Variants in STARD13 observed in about 807,000 individuals in gnomAD.
STARD13 encodes the protein StAR related lipid transfer domain containing 13.
STARD13 carries 62 observed loss-of-function variants against 106.4 expected under a neutral mutation model. The ratio of observed to expected loss-of-function variants is 0.58; its 90% CI spans 0.48 to 0.72. The LOEUF is 0.72. Among genes scored for constraint, STARD13 ranks in the 30% least tolerant of loss-of-function variants. The pLI, the probability that STARD13 is intolerant of heterozygous loss-of-function variation, is 0.00. For missense variants in STARD13, 1,387 were observed against 1,424.0 expected (o/e 0.97, Z 0.42); for synonymous variants, 565 against 553.0 (o/e 1.02, Z -0.31).
the STARD13 span, among the ~76,000 whole-genome samples, chr13:33,534,196 T>C: frequency 6.6e-6 from 1 of 152,190 alleles, no homozygotes; most frequent in Non-Finnish European, 1.5e-5. Context: ...TTCTCATCAA[T>C]AGAATGTCTA....
At chr13:33,448,010 A>T in the STARD13 span, among the ~76,000 whole-genome samples, 1 of 152,186 alleles carries the variant, frequency 6.6e-6, no homozygotes, top group Non-Finnish European at 1.5e-5. Context: ...TGACTAGATT[A>T]GAATAAAATT....
chr13:33,384,689 C>T, the STARD13 span, among the ~76,000 whole-genome samples: 20 of 152,092 alleles, frequency 1.3e-4, no homozygotes, highest in Admixed American at 5.2e-4. Context: ...TGACACCCAC[C>T]GTGTTCTACA....
At chr13:33,590,656 A>T in the STARD13 span, among the ~76,000 whole-genome samples, 19 of 133,782 alleles carry the variant, frequency 1.4e-4, no homozygotes, top group Non-Finnish European at 2.8e-4. Flanking sequence ...CAATGAGAAC[A>T]CTTGGGCACA....
chr13:33,329,643 T>TTGTGTGTGTGTG (rs1229779802), intron 1 of STARD13, among the ~76,000 whole-genome samples: 49 of 104,008 alleles, frequency 4.7e-4, no homozygotes, highest in African/African-American at 1.7e-3. Context: ...TAATATTCCA[T>TTGTGTGTGTGTG]TGTGTGTGTG....
chr13:33,461,265 T>C, the STARD13 span, among the ~76,000 whole-genome samples: 1 of 152,222 alleles, frequency 6.6e-6, no homozygotes, highest in Non-Finnish European at 1.5e-5. Flanking sequence ...AAAGTTGATG[T>C]AAAAATTCAT....
At chr13:33,344,053 T>C (rs2077992661), downstream of STARD13, among the ~76,000 whole-genome samples, 1 of 152,174 alleles carries the variant, frequency 6.6e-6, no homozygotes, top group African/African-American at 2.4e-5. Context: ...TTCTGCAAGT[T>C]ATTATGTGGG....
At chr13:33,473,931 A>G in the STARD13 span, among the ~76,000 whole-genome samples, 1 of 152,202 alleles carries the variant, frequency 6.6e-6, no homozygotes, top group East Asian at 1.9e-4. Context: ...ACCAACTGAG[A>G]GAGGAAAGCA....
At chr13:33,214,504 T>C (rs1158459694) in intron 1 of STARD13, among the ~76,000 whole-genome samples, 1 of 152,198 alleles carries the variant, frequency 6.6e-6, no homozygotes, top group African/African-American at 2.4e-5. Context: ...AAAGATTAGC[T>C]GCTCTACTAT....
intron 1 of STARD13, among the ~76,000 whole-genome samples, chr13:33,274,760 T>C (rs775319865): frequency 7.2e-5 from 11 of 152,188 alleles, no homozygotes; most frequent in South Asian, 2.1e-4. Flanking sequence ...AAAATAGATA[T>C]TGGATTGCTT....
At chr13:33,240,879 T>C (rs1889450682) in intron 1 of STARD13, among the ~76,000 whole-genome samples, 4 of 152,220 alleles carry the variant, frequency 2.6e-5, no homozygotes, top group Admixed American at 2.6e-4. Flanking sequence ...TAATTGTTCA[T>C]GTATAGCAAT....
intron 1 of STARD13, among the ~76,000 whole-genome samples, chr13:33,301,770 G>A (rs750853835): frequency 2.0e-5 from 3 of 151,812 alleles, no homozygotes; most frequent in Non-Finnish European, 2.9e-5. Context: ...GGGTTTCACC[G>A]TGTTAGCCAG....
chr13:33,250,115 T>C (rs1176581707), intron 1 of STARD13, among the ~76,000 whole-genome samples: 2 of 152,114 alleles, frequency 1.3e-5, no homozygotes, highest in East Asian at 3.9e-4. Context: ...TTATGTTCTT[T>C]TACAGCAGCT....
At chr13:33,111,708 C>A in intron 10 of STARD13, 70 bp downstream of exon 10, 1 of 911,532 alleles carries the variant, frequency 1.1e-6, no homozygotes, top group Admixed American at 1.8e-5. Flanking sequence ...ATAAATGTAG[C>A]AACAATCCCA....
intron 4 of STARD13, among the ~76,000 whole-genome samples, chr13:33,133,117 T>C (rs1269665489): frequency 6.6e-6 from 1 of 152,148 alleles, no homozygotes; most frequent in Non-Finnish European, 1.5e-5. Flanking sequence ...AAACAGAAAC[T>C]ACAACATTTA....
chr13:33,160,724 G>A (rs1359865701), intron 3 of STARD13, among the ~76,000 whole-genome samples: 1 of 152,118 alleles, frequency 6.6e-6, no homozygotes, highest in Non-Finnish European at 1.5e-5. Flanking sequence ...GTTAATACCA[G>A]ACATCTATTA....
At chr13:33,128,157 C>T (rs1019391384) in intron 5 of STARD13, among the ~76,000 whole-genome samples, 8 of 148,778 alleles carry the variant, frequency 5.4e-5, no homozygotes, top group East Asian at 4.0e-4. Context: ...AGAGGTAGAG[C>T]GATAAAGACA....
In STARD13 at chr13:33,165,043, C is replaced by G. The variant is rs73467861; in HGVS notation, c.323+294G>C. On this transcript the variant is annotated intron_variant, in intron 3 of 13. Transcript: ENST00000336934. ...AGCTTGACCATAGCATTTATACTCTCTGAAATAAACTTTCCCCCTCCTTCT... is the reference window on the plus strand; with the variant it reads ...AGCTTGACCATAGCATTTATACTCTGTGAAATAAACTTTCCCCCTCCTTCT... Among the ~76,000 whole-genome samples the G allele has an allele frequency of 7.0e-3, 1,065 of 152,104 alleles. 5 individuals carry two copies. Among genetic ancestry groups the G allele is most frequent in the African/African-American group, 0.023 (958 of 41,424 alleles).
chr13:33,163,803 A>G (rs1883025649), intron 3 of STARD13, among the ~76,000 whole-genome samples: 1 of 148,106 alleles, frequency 6.8e-6, no homozygotes, highest in South Asian at 2.1e-4. Context: ...ACATTTCAAA[A>G]ATTCAATGGG....
At chr13:33,111,462 T>A (rs2138071220) in intron 10 of STARD13, among the ~76,000 whole-genome samples, 1 of 152,338 alleles carries the variant, frequency 6.6e-6, no homozygotes, top group South Asian at 2.1e-4. Context: ...CTCACACAGA[T>A]GTTTAACCTA....
Sources: gnomAD v4.1 joint callset for allele counts (sites outside exome capture counted in the v4.1 genomes callset) on GRCh38, gnomAD v4.1.1 for gene constraint, MANE v1.5 for transcripts, NCBI Gene and HGNC (gene_info 2026-07-23, HGNC 2026-07-21) for gene names.